The following SETD3 variants were observed in gnomAD, a reference collection of about 807,000 sequenced individuals.
SETD3 encodes actin-histidine N-methyltransferase.
In SETD3, 19 loss-of-function variants were observed where a neutral mutation model predicts 63.0. The ratio of observed to expected loss-of-function variants is 0.30; its 90% CI spans 0.21 to 0.44. The LOEUF (loss-of-function observed/expected upper bound fraction) is 0.44. Among genes scored for constraint, SETD3 ranks in the 20% least tolerant of loss-of-function variants. SETD3 has a pLI of 1.00. For missense variants in SETD3, 587 were observed against 728.5 expected (o/e 0.81, Z 2.24); for synonymous variants, 286 against 264.1 (o/e 1.08, Z -0.80).
rs1895198314 is a variant in SETD3, at chr14:99,463,582, TA to T, written c.104-5del. On this transcript the variant is annotated splice_polypyrimidine_tract_variant and splice_region_variant and intron_variant, in intron 2 of 12. Coordinates refer to ENST00000331768, the MANE Select transcript of SETD3 (RefSeq NM_032233.3). ...CCAGGCGCCGGACTGCTGCATTCTG[TA>T]ACATAAGAGGCATGGTACTGAAACA... 2.5e-6 allele frequency: 4 copies of T among 1,611,506 alleles called. No homozygotes were observed. The Admixed American group carries it at 6.7e-5, about 27-fold the overall frequency.
upstream of SETD3, chr14:99,481,535 C>T (rs1307864291): frequency 1.0e-5 from 4 of 398,444 alleles, no homozygotes; most frequent in African/African-American, 6.2e-5. Flanking sequence ...ATCTGGAGGT[C>T]GGAGTAGGTT....
intron 6 of SETD3, among the ~76,000 whole-genome samples, chr14:99,449,842 C>T (rs1340690917): frequency 6.6e-6 from 1 of 152,162 alleles, no homozygotes; most frequent in Admixed American, 6.5e-5. Flanking sequence ...GAGTTCTGTG[C>T]ACAAATTTTG....
chr14:99,424,837 G>A (rs916619759), intron 6 of SETD3, among the ~76,000 whole-genome samples: 19 of 152,190 alleles, frequency 1.2e-4, no homozygotes, highest in African/African-American at 4.6e-4. Context: ...AGGGAAGTGA[G>A]AGAGAAGCCG....
chr14:99,462,188 G>A (rs2139783335), intron 3 of SETD3, among the ~76,000 whole-genome samples: 1 of 152,330 alleles, frequency 6.6e-6, no homozygotes, highest in Non-Finnish European at 1.5e-5. Flanking sequence ...AAAGGACAAT[G>A]AGAATACAAC....
intron 8 of SETD3, chr14:99,409,980 C>T (rs372205536): frequency 9.5e-5 from 40 of 423,150 alleles, no homozygotes; most frequent in African/African-American, 5.6e-4. Context: ...TAATGGGAGG[C>T]GGGGGGGTGA....
intron 1 of SETD3, among the ~76,000 whole-genome samples, chr14:99,466,631 G>GC (rs1566732583): frequency 6.6e-6 from 1 of 150,384 alleles, no homozygotes; most frequent in Non-Finnish European, 1.5e-5. Flanking sequence ...GGGGGGGGGG[G>GC]GGCATTCAAA....
At chr14:99,461,738 CA>C (rs1895074351) in intron 3 of SETD3, among the ~76,000 whole-genome samples, 2 of 152,230 alleles carry the variant, frequency 1.3e-5, no homozygotes, top group South Asian at 4.2e-4. Context: ...TCCATTAAAA[CA>C]AAAATGAGTA....
intron 1 of SETD3, among the ~76,000 whole-genome samples, chr14:99,469,828 G>A (rs1895600166): frequency 6.6e-6 from 1 of 152,214 alleles, no homozygotes; most frequent in African/African-American, 2.4e-5. Flanking sequence ...CCTTGCAGAA[G>A]GCAGCAAACA....
intron 8 of SETD3, among the ~76,000 whole-genome samples, chr14:99,408,749 G>A (rs1032823450): frequency 2.0e-5 from 3 of 152,216 alleles, no homozygotes; most frequent in East Asian, 1.9e-4. Flanking sequence ...TTTGGAGGCT[G>A]AGTGTCTAAC....
intron 3 of SETD3, among the ~76,000 whole-genome samples, chr14:99,462,583 C>A (rs1303413640): frequency 2.6e-5 from 4 of 152,210 alleles, no homozygotes; most frequent in Admixed American, 6.5e-5. Flanking sequence ...TAAACAGTAT[C>A]TACGCAGAAG....
chr14:99,452,786 G>A (rs1894531319), intron 6 of SETD3, among the ~76,000 whole-genome samples: 1 of 152,198 alleles, frequency 6.6e-6, no homozygotes, highest in Non-Finnish European at 1.5e-5. Context: ...CACTCCCAAA[G>A]TACCCAGAGA....
At chr14:99,403,209 GCACTGCTC>G (rs1891476290) in intron 11 of SETD3, among the ~76,000 whole-genome samples, 3 of 152,062 alleles carry the variant, frequency 2.0e-5, no homozygotes, top group African/African-American at 7.2e-5. Flanking sequence ...GACTTGTGCT[GCACTGCTC>G]CCTGGATCCA....
intron 8 of SETD3, among the ~76,000 whole-genome samples, chr14:99,409,389 G>A (rs1032224866): frequency 1.3e-5 from 2 of 152,080 alleles, no homozygotes; most frequent in Non-Finnish European, 2.9e-5. Context: ...GGAGGGGAGC[G>A]GGTGGCAGCC....
intron 7 of SETD3, among the ~76,000 whole-genome samples, chr14:99,413,570 T>C (rs1404326394): frequency 6.6e-6 from 1 of 152,230 alleles, no homozygotes; most frequent in Non-Finnish European, 1.5e-5. Context: ...TACACTAACA[T>C]AGTCTTTTTT....
chr14:99,466,478 T>C (rs1310963594), intron 1 of SETD3, among the ~76,000 whole-genome samples: 1 of 152,216 alleles, frequency 6.6e-6, no homozygotes, highest in African/African-American at 2.4e-5. Flanking sequence ...ATGAGCATAT[T>C]TTCACACGCA....
At chr14:99,435,927 G>A (rs1345162492) in intron 6 of SETD3, among the ~76,000 whole-genome samples, 1 of 152,054 alleles carries the variant, frequency 6.6e-6, no homozygotes, top group African/African-American at 2.4e-5. Flanking sequence ...CCCAAGACGG[G>A]GTAGTTTATA....
At chr14:99,469,050 G>A (rs988228474) in intron 1 of SETD3, among the ~76,000 whole-genome samples, 5 of 152,184 alleles carry the variant, frequency 3.3e-5, no homozygotes, top group Admixed American at 6.5e-5. Flanking sequence ...CCTGCTCCGC[G>A]TGACAGACCA....
At chr14:99,411,653 ACAGT>A (rs1891999068) in intron 8 of SETD3, 1 of 152,238 alleles carries the variant, frequency 6.6e-6, no homozygotes, top group African/African-American at 2.4e-5. Flanking sequence ...GAAAAACACT[ACAGT>A]CAGATATTAA....
At chr14:99,438,978 G>C (rs1893640888) in intron 6 of SETD3, among the ~76,000 whole-genome samples, 1 of 152,248 alleles carries the variant, frequency 6.6e-6, no homozygotes, top group African/African-American at 2.4e-5. Context: ...ATTCATGATA[G>C]CTCAGCTACA....
Sources: gnomAD v4.1 joint callset for allele counts (sites outside exome capture counted in the v4.1 genomes callset) on GRCh38, gnomAD v4.1.1 for gene constraint, MANE v1.5 for transcripts, NCBI Gene and HGNC (gene_info 2026-07-23, HGNC 2026-07-21) for gene names.